SKAP1: variants seen among roughly 807,000 people sequenced by gnomAD.
The protein encoded by SKAP1 is src kinase associated phosphoprotein 1, also known as src kinase-associated phosphoprotein 1.
SKAP1 carries 44 observed loss-of-function variants against 58.5 expected under a neutral mutation model. That is an observed-to-expected ratio of 0.75 (90% CI 0.59 to 0.97). SKAP1 has a LOEUF of 0.97. Ranked by LOEUF, SKAP1 falls within the 50% of genes least tolerant of loss-of-function variation. The pLI, the probability that SKAP1 is intolerant of heterozygous loss-of-function variation, is 0.00. For synonymous variants in SKAP1, 127 were observed against 149.7 expected (o/e 0.85, Z 1.11); for missense variants, 390 against 435.2 (o/e 0.90, Z 0.92).
chr17:48,272,052 G>A (rs2065640368), intron 4 of SKAP1, among the ~76,000 whole-genome samples: 1 of 151,986 alleles, frequency 6.6e-6, no homozygotes, highest in African/African-American at 2.4e-5. Flanking sequence ...AGATAACTAT[G>A]TACTTCGGCT....
At chr17:48,209,003 C>T (rs2064840688) in intron 4 of SKAP1, among the ~76,000 whole-genome samples, 1 of 152,160 alleles carries the variant, frequency 6.6e-6, no homozygotes, top group Non-Finnish European at 1.5e-5. Flanking sequence ...TACCTTGATT[C>T]ATTAATCCTC....
chr17:48,391,102 C>A (rs775941179), intron 2 of SKAP1, among the ~76,000 whole-genome samples: 1 of 151,942 alleles, frequency 6.6e-6, no homozygotes, highest in African/African-American at 2.4e-5. Flanking sequence ...CTAACAACAA[C>A]AACAACAACA....
intron 4 of SKAP1, among the ~76,000 whole-genome samples, chr17:48,274,266 C>T (rs534344368): frequency 5.5e-4 from 83 of 152,006 alleles, no homozygotes; most frequent in Middle Eastern, 3.4e-3. Flanking sequence ...CATGGTGGCA[C>T]GGGCCCGTAG....
the SKAP1 span, among the ~76,000 whole-genome samples, chr17:48,437,292 G>A: frequency 2.6e-5 from 4 of 152,260 alleles, no homozygotes; most frequent in South Asian, 4.1e-4. Flanking sequence ...CCTGGGTCCC[G>A]TTTCTGGCTC....
At chr17:48,189,614 A>T (rs1002950204) in intron 4 of SKAP1, 114 bp from the exon 5 acceptor site, 7 of 666,094 alleles carry the variant, frequency 1.1e-5, no homozygotes, top group African/African-American at 9.1e-5. Flanking sequence ...AATTGCTTAA[A>T]CACAGTACAA....
intron 11 of SKAP1, among the ~76,000 whole-genome samples, chr17:48,144,826 G>A (rs2063808924): frequency 6.6e-6 from 1 of 152,156 alleles, no homozygotes; most frequent in South Asian, 2.1e-4. Flanking sequence ...TGGAAAGATT[G>A]GAAAAATGCT....
intron 4 of SKAP1, among the ~76,000 whole-genome samples, chr17:48,293,053 GA>G (rs1391648628): frequency 6.6e-6 from 1 of 152,076 alleles, no homozygotes; most frequent in Non-Finnish European, 1.5e-5. Context: ...TCAAACTTAA[GA>G]AAGACACATT....
intron 4 of SKAP1, among the ~76,000 whole-genome samples, chr17:48,266,609 C>G (rs1379010297): frequency 2.0e-5 from 3 of 150,132 alleles, no homozygotes; most frequent in Non-Finnish European, 3.0e-5. Context: ...CTCCCAGGTT[C>G]ACGCCATTCT....
intron 4 of SKAP1, among the ~76,000 whole-genome samples, chr17:48,209,515 C>T (rs1158650236): frequency 6.6e-6 from 1 of 152,142 alleles, no homozygotes; most frequent in East Asian, 1.9e-4. Flanking sequence ...ACTGACTGTG[C>T]CTGTGCTGTA....
chr17:48,307,523 T>C (rs1404429920), intron 4 of SKAP1: 1 of 152,246 alleles, frequency 6.6e-6, no homozygotes, highest in Non-Finnish European at 1.5e-5. Flanking sequence ...CAGAGTATGC[T>C]GTACAATTTA....
chr17:48,184,675 G>A (rs759699725), intron 7 of SKAP1, 48 bp downstream of exon 7: 2 of 1,612,870 alleles, frequency 1.2e-6, no homozygotes, highest in Admixed American at 3.3e-5. Context: ...CAATACAGAA[G>A]GAAACTGCAA....
chr17:48,420,670 AC>A (rs1371021521), intron 1 of SKAP1, among the ~76,000 whole-genome samples: 3 of 151,104 alleles, frequency 2.0e-5, no homozygotes, highest in Admixed American at 6.6e-5. Context: ...CCATCCTGGC[AC>A]CCCCTGATTC....
intron 3 of SKAP1, among the ~76,000 whole-genome samples, chr17:48,349,884 G>C (rs1389151599): frequency 6.6e-6 from 1 of 152,174 alleles, no homozygotes; most frequent in Non-Finnish European, 1.5e-5. Flanking sequence ...TTCATTAACA[G>C]TTAATGAGTT....
At chr17:48,371,020 A>G (rs1439227422) in intron 2 of SKAP1, among the ~76,000 whole-genome samples, 1 of 152,226 alleles carries the variant, frequency 6.6e-6, no homozygotes, top group Non-Finnish European at 1.5e-5. Context: ...AAGCAAATTA[A>G]TGCAGAAACA....
At chr17:48,149,575 A>G (rs1246867093) in intron 11 of SKAP1, among the ~76,000 whole-genome samples, 1 of 152,298 alleles carries the variant, frequency 6.6e-6, no homozygotes, top group Non-Finnish European at 1.5e-5. Context: ...AACCGCTTAT[A>G]GCTTCATTTC....
chr17:48,426,196 A>G (rs936271304), intron 1 of SKAP1, among the ~76,000 whole-genome samples: 2 of 152,246 alleles, frequency 1.3e-5, no homozygotes, highest in African/African-American at 4.8e-5. Flanking sequence ...TCTGGAAGGA[A>G]ATGATTAATG....
chr17:48,400,101 CTT>C (rs34859955), intron 1 of SKAP1, among the ~76,000 whole-genome samples: 24 of 138,096 alleles, frequency 1.7e-4, no homozygotes, highest in Non-Finnish European at 1.7e-4. Flanking sequence ...TTTTTCTTTT[CTT>C]TTTTTTTTTT....
At chr17:48,281,275 C>T (rs1320566561) in intron 4 of SKAP1, among the ~76,000 whole-genome samples, 2 of 152,134 alleles carry the variant, frequency 1.3e-5, no homozygotes, top group Admixed American at 6.5e-5. Context: ...CCACCCACCT[C>T]GGCCTCTCAA....
At chr17:48,190,261 C>G (rs558887477) in intron 4 of SKAP1, among the ~76,000 whole-genome samples, 1 of 152,060 alleles carries the variant, frequency 6.6e-6, no homozygotes, top group Admixed American at 6.5e-5. Context: ...CGACCACCAC[C>G]ACGCCCGGCT....
Sources: gnomAD v4.1 joint callset for allele counts (sites outside exome capture counted in the v4.1 genomes callset) on GRCh38, gnomAD v4.1.1 for gene constraint, MANE v1.5 for transcripts, NCBI Gene and HGNC (gene_info 2026-07-23, HGNC 2026-07-21) for gene names.